Variants in ANKLE2 observed in about 807,000 individuals in gnomAD.
The protein encoded by ANKLE2 is ankyrin repeat and LEM domain-containing protein 2.
A neutral mutation model predicts 84.2 loss-of-function variants in ANKLE2; 55 were observed. The observed-to-expected ratio is 0.65, with a 90% CI of 0.53 to 0.82. The LOEUF is 0.82. Ranked by LOEUF, ANKLE2 falls within the 40% of genes least tolerant of loss-of-function variation. ANKLE2 has a pLI of 0.00. For missense variants in ANKLE2, 1,238 were observed against 1,201.9 expected, an observed-to-expected ratio of 1.03 and a Z score of -0.44; for synonymous variants, 551 against 486.1, an observed-to-expected ratio of 1.13 and a Z score of -1.76.
chr12:132,734,511 C>A lies in ANKLE2; in HGVS notation c.1765G>T (p.Asp589Tyr). The A allele has an allele frequency of 6.2e-7, 1 of 1,614,076 alleles. No homozygotes were observed. Among genetic ancestry groups the A allele is most frequent in the Admixed American group, 1.7e-5 (1 of 60,006 alleles). Reference sequence around the variant, plus strand: ...TGCAGGCCTTCCTGGGAAGACAGATCAACAAAACAGCCCAGAAATTCCCAG... The same window carrying A: ...TGCAGGCCTTCCTGGGAAGACAGATAAACAAAACAGCCCAGAAATTCCCAG... ...EYWEFLGCFV[D>Y]LSSQEGLQRL... is the part of the protein sequence containing the mutation. The change falls in exon 10 of 13, where the codon GAT (aspartate) becomes TAT (tyrosine). Residue 589 changes from aspartate (D) to tyrosine (Y), a missense_variant. Around this residue, in one of 3 missense-constraint regions of ANKLE2, gnomAD observed 802 missense variants for 774.5 expected, o/e 1.04. Coordinates refer to ENST00000357997, the MANE Select transcript of ANKLE2 (RefSeq NM_015114.3).
At position 132,727,039 on chromosome 12, in the gene ANKLE2, T is replaced by G. The variant is rs2043713112; in HGVS notation, c.*203A>C. ...TTTCCAGAAAATTGGTAACTGAGTT[T>G]GCTTTCATTAACTTCTAACTTCTTC... On this transcript the variant is annotated 3_prime_UTR_variant, in exon 13 of 13. Coordinates refer to ENST00000357997, the MANE Select transcript of ANKLE2 (RefSeq NM_015114.3). 1 of 617,674 alleles carries G rather than the reference T, an allele frequency of 1.6e-6. No individual in the cohort carries two copies. Among genetic ancestry groups the G allele is most frequent in the Non-Finnish European group, 2.6e-6 (1 of 386,142 alleles). 38.3% of individuals were successfully genotyped at this position (617,674 alleles called of 1,614,324 possible).
At chr12:132,741,646 GTCTT>G (rs1313088251) in intron 6 of ANKLE2, 161 bp from the exon 7 acceptor site, 5 of 736,348 alleles carry the variant, frequency 6.8e-6, no homozygotes, top group Non-Finnish European at 1.1e-5. Context: ...GAAGAGTGTG[GTCTT>G]TCTAAAAGTC....
rs1220719758 is a variant in ANKLE2 at position 132,743,172 on chromosome 12, A to T, written c.1335T>A (p.Tyr445Ter). 1.2e-6 allele frequency: 2 copies of T among 1,607,418 alleles called. No individual in the cohort carries two copies. Among genetic ancestry groups the T allele is most frequent in the African/African-American group, 1.3e-5 (1 of 74,814 alleles). Reference sequence around the variant, plus strand: ...TACTTACATCTTCAGGTGTTTTATCATATTTATTCCTTGAGTTTTTTACAA... The same window carrying T: ...TACTTACATCTTCAGGTGTTTTATCTTATTTATTCCTTGAGTTTTTTACAA... The part of the protein sequence containing the change: ...HLIVKNSRNK[Y>*]DKTPEDVICE... The change falls in exon 6 of 13, where the codon TAT becomes TAA. Residue 445 changes from tyrosine to a stop codon, truncating the protein, a stop_gained. Transcript: ENST00000357997. LOFTEE classifies it high-confidence loss of function. This position sits in a 1 kb window ranked among gnomAD's most constrained non-coding sequence, Gnocchi z 4.1.
intron 2 of ANKLE2, 118 bp downstream of exon 2, chr12:132,754,557 A>T (rs1394120500): frequency 6.7e-5 from 63 of 946,186 alleles, no homozygotes; most frequent in Non-Finnish European, 9.9e-5. Flanking sequence ...TGGGGTGATG[A>T]GATGGAGGGG....
At chr12:132,760,782 G>C (rs2044609126) in intron 1 of ANKLE2, 1 of 152,148 alleles carries the variant, frequency 6.6e-6, no homozygotes, top group South Asian at 2.1e-4. Flanking sequence ...CATTTCACAG[G>C]CGTGATTCAT....
At position 132,729,624 on chromosome 12, in the gene ANKLE2, AG is replaced by A. The variant is rs1401314261; in HGVS notation, c.2483+54del. The A allele has an allele frequency of 5.7e-3, 1,563 of 276,540 alleles. 35 individuals are homozygous for A. Among genetic ancestry groups the A allele is most frequent in the Non-Finnish European group, 7.1e-3 (1,118 of 156,694 alleles). 17.1% of individuals were successfully genotyped at this position (276,540 alleles called of 1,614,324 possible). A position where few individuals can be genotyped will look rare whatever the true frequency, so the allele number is the denominator to read the frequency against. ...GGGAGGGGGAGGTGAGGGGAGGGGG[AG>A]GGGGGAGGGAAGGTGGGGAAGGAAA... On this transcript the variant is annotated intron_variant, in intron 11 of 12. Coordinates refer to ENST00000357997, the MANE Select transcript of ANKLE2 (RefSeq NM_015114.3).
intron 8 of ANKLE2, 68 bp from the exon 9 acceptor site, chr12:132,735,580 A>G: frequency 7.7e-7 from 1 of 1,301,674 alleles, no homozygotes; most frequent in Non-Finnish European, 1.1e-6. Context: ...AAACCTGAAG[A>G]GCCGTCGTCA....
rs763212088 is a variant in ANKLE2, at chr12:132,754,691, G to A, written c.624C>T (p.Asp208=). 7.5e-6 allele frequency: 12 copies of A among 1,601,542 alleles called. No individual in the cohort carries two copies. The highest frequency in any genetic ancestry group is 2.2e-5 in the South Asian group (2 of 90,420). ...LYYGVCPVYE[D]VPARNERIYV... is the part of the protein sequence containing the mutation. ...TCCCATTACCATTTCTCGCTGGGAC[G>A]TCCTCATACACTGGACACACCCCAT... The change falls in exon 2 of 13, where the codon GAC becomes GAT. Residue 208 remains aspartate (D), a synonymous_variant. Coordinates refer to ENST00000357997, the MANE Select transcript of ANKLE2 (RefSeq NM_015114.3).
Position 132,730,021 on chromosome 12 carries a change from T to C in ANKLE2, c.2141A>G (p.Lys714Arg), listed in dbSNP as rs2136105095. Residue 714 changes from lysine (K) to arginine (R), a missense_variant, in exon 11 of 13, where the codon AAG (lysine) becomes AGG (arginine). By Grantham distance (26) the Lys-to-Arg change is conservative. Around this residue, in one of 3 missense-constraint regions of ANKLE2, gnomAD observed 802 missense variants for 774.5 expected, o/e 1.04. Transcript: ENST00000357997. Reference protein sequence around the residue: ...PLNHSRTLAGKRPKAPRGEEA... With the variant: ...PLNHSRTLAGRRPKAPRGEEA... ...CTCCCCACGGGGGGCCTTTGGTCTC[T>C]TGCCCGCCAGGGTCCTGCTGTGATT... 1 of 1,613,306 alleles carries C rather than the reference T, an allele frequency of 6.2e-7. No homozygotes were observed. The highest frequency in any genetic ancestry group is 1.1e-5 in the South Asian group (1 of 91,086).
In ANKLE2 at chr12:132,754,957, A is replaced by C. The variant is rs1342480373; in HGVS notation, c.358T>G (p.Phe120Val). 1.2e-6 allele frequency: 2 copies of C among 1,614,062 alleles called. No homozygotes were observed. The highest frequency in any genetic ancestry group is 8.5e-7 in the Non-Finnish European group (1 of 1,180,030). ...LLEQGGRLSS[F>V]YHHEAGVTAL... ...GTGACACCTGCCTCATGGTGGTAGA[A>C]AGAAGACAGCCTTCCTCCTTGCTCC... Residue 120 changes from phenylalanine (F) to valine (V), a missense_variant, in exon 2 of 13, where the codon TTC becomes GTC. Around this residue, in one of 3 missense-constraint regions of ANKLE2, gnomAD observed 422 missense variants for 394.5 expected, o/e 1.07. Transcript: ENST00000357997.
In ANKLE2 at chr12:132,754,756, T is replaced by C; in HGVS notation, c.559A>G (p.Arg187Gly). ...TCCTTAGACGCAGTCGCTCCAGCTCTGTAGGTGTCGGTGTCACTAGGGGGC... is the reference window on the plus strand; with the variant it reads ...TCCTTAGACGCAGTCGCTCCAGCTCCGTAGGTGTCGGTGTCACTAGGGGGC... The part of the protein sequence containing the change: ...SVPPSDTDTY[R>G]AGATASKEPP... The change falls in exon 2 of 13, where the codon AGA (arginine) becomes GGA (glycine). Residue 187 changes from arginine (R) to glycine (G), a missense_variant. By Grantham distance (125) the Arg-to-Gly change is moderately radical. Coordinates refer to ENST00000357997, the MANE Select transcript of ANKLE2 (RefSeq NM_015114.3). The C allele has an allele frequency of 6.2e-7, 1 of 1,614,154 alleles. No homozygotes were observed. Among genetic ancestry groups the C allele is most frequent in the Non-Finnish European group, 8.5e-7 (1 of 1,180,024 alleles).
intron 10 of ANKLE2, 51 bp downstream of exon 10, chr12:132,734,334 G>A (rs368795700): frequency 7.1e-5 from 113 of 1,591,730 alleles, no homozygotes; most frequent in African/African-American, 6.5e-4. Context: ...GTCAGACCCC[G>A]GCCATGGGGG....
At chr12:132,733,632 C>T (rs1355347249) in intron 10 of ANKLE2, among the ~76,000 whole-genome samples, 1 of 149,872 alleles carries the variant, frequency 6.7e-6, no homozygotes, top group African/African-American at 2.5e-5. Flanking sequence ...GTGAAGCTCT[C>T]TGCGTCCTGG....
chr12:132,743,987 T>C lies in ANKLE2; in HGVS notation c.1231-711A>G, dbSNP rs1245621699. On this transcript the variant is annotated intron_variant, in intron 5 of 12. Transcript: ENST00000357997. This position sits in a 1 kb window ranked among gnomAD's most constrained non-coding sequence, Gnocchi z 4.1. ...GCCTGTGACACCACAGTAAACGAAA[T>C]TTTTTTCACTGCTGACGATGCTGCA... Among the ~76,000 whole-genome samples, 1 of 152,094 alleles carries C rather than the reference T, an allele frequency of 6.6e-6. No individual in the cohort carries two copies. Among genetic ancestry groups the C allele is most frequent in the Non-Finnish European group, 1.5e-5 (1 of 68,004 alleles).
At chr12:132,741,609 A>G (rs1049841451) in intron 6 of ANKLE2, 124 bp from the exon 7 acceptor site, 33 of 934,104 alleles carry the variant, frequency 3.5e-5, no homozygotes, top group Non-Finnish European at 5.1e-5. Context: ...CTAAAGATTT[A>G]ATAAAGCTCA....
intron 1 of ANKLE2, chr12:132,755,363 G>A (rs1410815557): frequency 4.8e-6 from 2 of 416,768 alleles, no homozygotes; most frequent in African/African-American, 4.1e-5. Context: ...GGCCAACATG[G>A]TGAAACCACG....
At chr12:132,742,988 C>T (rs967508342) in intron 6 of ANKLE2, among the ~76,000 whole-genome samples, 166 bp downstream of exon 6, 2 of 152,148 alleles carry the variant, frequency 1.3e-5, no homozygotes, top group African/African-American at 4.8e-5. Flanking sequence ...ATCTTCTTCA[C>T]AAAGTGCATC....
intron 10 of ANKLE2, 102 bp downstream of exon 10, chr12:132,734,283 G>T: frequency 7.8e-7 from 1 of 1,282,510 alleles, no homozygotes; most frequent in Non-Finnish European, 1.1e-6. Context: ...AGACCTTTAC[G>T]TTAAAAACAC....
At chr12:132,742,031 G>A in intron 6 of ANKLE2, 1 of 335,238 alleles carries the variant, frequency 3.0e-6, no homozygotes, top group Non-Finnish European at 5.8e-6. Flanking sequence ...GGAAAGAAAG[G>A]AACCAGCCTA....
Sources: allele counts gnomAD v4.1 joint callset (sites outside exome capture counted in the v4.1 genomes callset), GRCh38; gene constraint gnomAD v4.1.1; regional missense constraint gnomAD v4.1.1; non-coding constraint Gnocchi (gnomAD v3.1); transcripts MANE v1.5; gene names NCBI Gene and HGNC (gene_info 2026-07-23, HGNC 2026-07-21).